C1QTNF7: variants seen among roughly 807,000 people sequenced by gnomAD.
C1QTNF7 encodes the protein complement C1q tumor necrosis factor-related protein 7.
C1QTNF7 carries 15 observed loss-of-function variants against 19.6 expected under a neutral mutation model. The observed-to-expected ratio is 0.76, with a 90% CI of 0.51 to 1.18. C1QTNF7 has a LOEUF of 1.18. C1QTNF7 is among the 50% of genes most tolerant of loss of function. The pLI, the probability that C1QTNF7 is intolerant of heterozygous loss-of-function variation, is 0.00. For synonymous variants in C1QTNF7, 142 were observed against 137.5 expected (o/e 1.03, Z -0.23); for missense variants, 324 against 359.7 (o/e 0.90, Z 0.80).
At chr4:15,346,939 CA>C (rs1716739466) in intron 1 of C1QTNF7, among the ~76,000 whole-genome samples, 1 of 152,156 alleles carries the variant, frequency 6.6e-6, no homozygotes, top group African/African-American at 2.4e-5. Flanking sequence ...CCTTATGCAA[CA>C]GGGGTCTAAG....
At chr4:15,425,293 A>T (rs1711986786), upstream of C1QTNF7, among the ~76,000 whole-genome samples, 1 of 152,200 alleles carries the variant, frequency 6.6e-6, no homozygotes, top group Non-Finnish European at 1.5e-5. Context: ...AGTGAGCTAA[A>T]GTGCATGGCA....
In C1QTNF7 at chr4:15,422,611, A is replaced by AT. The variant is rs34794130; in HGVS notation, c.14-13113dup. 8.9e-3 allele frequency among the ~76,000 whole-genome samples: 1,308 copies of AT among 147,070 alleles called. 29 individuals carry two copies. Among genetic ancestry groups the AT allele is most frequent in the Admixed American group, 0.05 (740 of 14,696 alleles). ...TTTAATATGTTTAAAACTTTCGATA[A>AT]TTTTTTTTTTTTAGAAAGGGTCTTG... is the stretch of plus-strand genomic sequence containing the variant. On this transcript the variant is annotated intron_variant, in intron 1 of 2. Transcript: ENST00000295297.
At chr4:15,412,571 C>A (rs1006740151) in intron 1 of C1QTNF7, among the ~76,000 whole-genome samples, 1 of 152,118 alleles carries the variant, frequency 6.6e-6, no homozygotes. Context: ...CAGCACAGGG[C>A]CCACTTAGAT....
chr4:15,423,045 A>T (rs146629564), upstream of C1QTNF7, among the ~76,000 whole-genome samples: 6 of 152,368 alleles, frequency 3.9e-5, no homozygotes, highest in East Asian at 1.2e-3. Context: ...ATTTATGTAG[A>T]TTAAAACACT....
intron 1 of C1QTNF7, among the ~76,000 whole-genome samples, chr4:15,386,601 G>A (rs1174899828): frequency 6.6e-6 from 1 of 152,198 alleles, no homozygotes; most frequent in Non-Finnish European, 1.5e-5. Flanking sequence ...CAATTTTAAA[G>A]AGAGTGGTCA....
At chr4:15,353,825 A>G (rs1717022528) in intron 1 of C1QTNF7, among the ~76,000 whole-genome samples, 1 of 152,184 alleles carries the variant, frequency 6.6e-6, no homozygotes, top group Non-Finnish European at 1.5e-5. Flanking sequence ...TATGAGGTGG[A>G]AAATGAGGCT....
chr4:15,419,769 T>A (rs933876464), intron 1 of C1QTNF7, among the ~76,000 whole-genome samples: 1 of 151,988 alleles, frequency 6.6e-6, no homozygotes, highest in African/African-American at 2.4e-5. Flanking sequence ...ATACTATGAA[T>A]AGGAAAAATA....
intron 1 of C1QTNF7, among the ~76,000 whole-genome samples, chr4:15,380,744 G>A (rs148669239): frequency 6.6e-6 from 1 of 152,108 alleles, no homozygotes; most frequent in African/African-American, 2.4e-5. Context: ...AGACAAGCCT[G>A]GCCAATGTGG....
intron 1 of C1QTNF7, among the ~76,000 whole-genome samples, chr4:15,409,531 A>T (rs767380655): frequency 1.2e-4 from 18 of 152,220 alleles, no homozygotes; most frequent in Non-Finnish European, 2.6e-4. Context: ...TGAAATTTTT[A>T]AAAACCATTG....
chr4:15,381,834 T>C (rs1718157591), intron 1 of C1QTNF7: 1 of 152,226 alleles, frequency 6.6e-6, no homozygotes, highest in Non-Finnish European at 1.5e-5. Flanking sequence ...ACCAACTCTT[T>C]AATTGTGAGA....
intron 1 of C1QTNF7, among the ~76,000 whole-genome samples, chr4:15,355,155 T>G (rs1426365359): frequency 6.6e-6 from 1 of 152,110 alleles, no homozygotes; most frequent in Non-Finnish European, 1.5e-5. Flanking sequence ...AAACAGCACA[T>G]GACAGCATCT....
Position 15,445,356 on chromosome 4 carries a change from G to T in C1QTNF7, c.*2557G>T, listed in dbSNP as rs778801275. The T allele has an allele frequency of 6.6e-6, 1 of 152,228 alleles. No individual in the cohort carries two copies. The highest frequency in any genetic ancestry group is 6.5e-5 in the Admixed American group (1 of 15,280). 9.4% of individuals were successfully genotyped at this position (152,228 alleles called of 1,614,324 possible). On this transcript the variant is annotated 3_prime_UTR_variant, in exon 3 of 3. Coordinates refer to ENST00000444304, the MANE Select transcript of C1QTNF7 (RefSeq NM_031911.5). ...TGCTAGATAAACTGGAAATGGAGAA[G>T]TTATTGCAGACAGTCATGAACCACA...
chr4:15,360,516 T>G (rs1480947869), intron 1 of C1QTNF7, among the ~76,000 whole-genome samples: 2 of 152,178 alleles, frequency 1.3e-5, no homozygotes, highest in Non-Finnish European at 2.9e-5. Flanking sequence ...CACATGTATT[T>G]TCTTCATAAG....
chr4:15,405,998 A>G (rs1719182995), intron 1 of C1QTNF7, among the ~76,000 whole-genome samples: 1 of 152,050 alleles, frequency 6.6e-6, no homozygotes, highest in African/African-American at 2.4e-5. Flanking sequence ...TCTCTACTCA[A>G]AGGCTGCCTC....
chr4:15,364,551 G>C (rs766508540), intron 1 of C1QTNF7, among the ~76,000 whole-genome samples: 5 of 152,180 alleles, frequency 3.3e-5, no homozygotes, highest in Admixed American at 6.5e-5. Context: ...AAAAACATTT[G>C]CCATAGAATA....
At chr4:15,417,472 A>C (rs1719641904) in intron 1 of C1QTNF7, among the ~76,000 whole-genome samples, 1 of 152,252 alleles carries the variant, frequency 6.6e-6, no homozygotes, top group Non-Finnish European at 1.5e-5. Flanking sequence ...GAGGCTGCAT[A>C]ATTTATACAG....
At chr4:15,354,303 T>C (rs898687658) in intron 1 of C1QTNF7, among the ~76,000 whole-genome samples, 2 of 152,138 alleles carry the variant, frequency 1.3e-5, no homozygotes, top group Admixed American at 6.5e-5. Flanking sequence ...AAGGGTTGGA[T>C]AAGAGAATAC....
At chr4:15,410,079 C>A (rs914018461) in intron 1 of C1QTNF7, among the ~76,000 whole-genome samples, 6 of 152,148 alleles carry the variant, frequency 3.9e-5, no homozygotes, top group Non-Finnish European at 8.8e-5. Context: ...GCCAAAATTT[C>A]TCACCCCAGC....
chr4:15,428,167 G>C, intron 1 of C1QTNF7, 61 bp downstream of exon 1: 3 of 757,818 alleles, frequency 4.0e-6, no homozygotes, highest in Non-Finnish European at 4.8e-6. Context: ...GCCTGTTCTC[G>C]TGACGGGAGC....
Sources: allele counts gnomAD v4.1 joint callset (sites outside exome capture counted in the v4.1 genomes callset), GRCh38; gene constraint gnomAD v4.1.1; transcripts MANE v1.5; gene names NCBI Gene and HGNC (gene_info 2026-07-23, HGNC 2026-07-21).